Variants in LRRC69 observed in about 807,000 individuals in gnomAD.
LRRC69 encodes the protein leucine-rich repeat-containing protein 69.
LRRC69 carries 42 observed loss-of-function variants against 37.8 expected under a neutral mutation model. That is an observed-to-expected ratio of 1.11 (90% CI 0.87 to 1.44). The LOEUF (loss-of-function observed/expected upper bound fraction) is 1.44, where lower values mean the gene tolerates loss of function less well. Ranked by LOEUF, LRRC69 falls within the 40% of genes most tolerant of loss-of-function variation. The pLI, the probability that LRRC69 is intolerant of heterozygous loss-of-function variation, is 0.00. For missense variants in LRRC69, 357 were observed against 401.9 expected, an observed-to-expected ratio of 0.89 and a Z score of 0.96; for synonymous variants, 141 against 143.1, an observed-to-expected ratio of 0.99 and a Z score of 0.11.
chr8:91,176,134 A>ATATTTT lies in LRRC69; in HGVS notation c.652-13387_652-13386insATTTTT. 2.6e-3 allele frequency among the ~76,000 whole-genome samples: 198 copies of ATATTTT among 75,694 alleles called. 5 individuals are homozygous for ATATTTT. The highest frequency in any genetic ancestry group is 0.011 in the African/African-American group (176 of 16,426). The allele number at this position is 75,694 out of a possible 152,430, so 49.7% of individuals were successfully genotyped here. On this transcript the variant is annotated intron_variant, in intron 5 of 7. Coordinates refer to ENST00000448384, the Ensembl canonical transcript of LRRC69. The stretch of plus-strand genomic sequence containing the variant: ...ATCCCTCATATATATATATATATAT[A>ATATTTT]TTTTTTTTTTTTCTTTTTTTTGAGA...
intron 3 of LRRC69, among the ~76,000 whole-genome samples, chr8:91,131,974 C>G (rs557123253): frequency 2.0e-5 from 3 of 151,782 alleles, no homozygotes; most frequent in African/African-American, 7.3e-5. Flanking sequence ...TGCCCATTTT[C>G]TTTTGTTGTT....
intron 6 of LRRC69, among the ~76,000 whole-genome samples, chr8:91,191,184 G>T (rs767156589): frequency 5.9e-5 from 9 of 151,822 alleles, no homozygotes; most frequent in Non-Finnish European, 1.2e-4. Context: ...TGTAAAGTTT[G>T]ATTTATTTTT....
intron 7 of LRRC69, among the ~76,000 whole-genome samples, chr8:91,204,957 C>A (rs1001886056): frequency 6.6e-6 from 1 of 152,130 alleles, no homozygotes; most frequent in Admixed American, 6.5e-5. Context: ...CATTTGTATA[C>A]CCTTTACCTA....
exon 4 of LRRC69, chr8:91,133,158 C>T: frequency 6.5e-7 from 1 of 1,535,142 alleles, no homozygotes; most frequent in South Asian, 1.2e-5. Flanking sequence ...AACTAGCCAG[C>T]ATTCCTAGAG....
At chr8:91,166,933 T>C (rs1176390380) in intron 5 of LRRC69, among the ~76,000 whole-genome samples, 1 of 151,902 alleles carries the variant, frequency 6.6e-6, no homozygotes, top group East Asian at 1.9e-4. Flanking sequence ...GATTCTGTTG[T>C]TCTTTTCCCC....
At chr8:91,171,059 A>C (rs1372762220) in intron 5 of LRRC69, among the ~76,000 whole-genome samples, 3 of 151,682 alleles carry the variant, frequency 2.0e-5, no homozygotes, top group Non-Finnish European at 4.4e-5. Flanking sequence ...TTACAAGAAA[A>C]AAACAAACAA....
chr8:91,210,144 C>G lies in LRRC69; in HGVS notation c.934-8746C>G, dbSNP rs151336784. Reference sequence around the variant, plus strand: ...GGGTGACATTTAAGTAATAGAGTTTCTGGCCCTCATATTAACTTTGTGACT... The same window carrying G: ...GGGTGACATTTAAGTAATAGAGTTTGTGGCCCTCATATTAACTTTGTGACT... On this transcript the variant is annotated intron_variant, in intron 7 of 7. Transcript: ENST00000448384. Among the ~76,000 whole-genome samples, 7 of 152,294 alleles carry G rather than the reference C, an allele frequency of 4.6e-5. No individual in the cohort carries two copies. In the East Asian group the frequency reaches 1.2e-3, roughly 25 times the overall value.
At chr8:91,173,227 C>T (rs1234216614) in intron 5 of LRRC69, among the ~76,000 whole-genome samples, 1 of 151,918 alleles carries the variant, frequency 6.6e-6, no homozygotes, top group Non-Finnish European at 1.5e-5. Flanking sequence ...ATAGTAATCC[C>T]TCTGTCTATT....
intron 7 of LRRC69, among the ~76,000 whole-genome samples, chr8:91,214,145 T>TA (rs1809993049): frequency 6.6e-6 from 1 of 151,756 alleles, no homozygotes; most frequent in Non-Finnish European, 1.5e-5. Context: ...GGGTGTAAGG[T>TA]GTGGTGGTGG....
intron 7 of LRRC69, among the ~76,000 whole-genome samples, chr8:91,216,961 A>G (rs1810059835): frequency 6.6e-6 from 1 of 152,102 alleles, no homozygotes. Flanking sequence ...GTTTCTCCCC[A>G]GGCAGACACA....
At chr8:91,156,235 C>T (rs1808832441) in intron 5 of LRRC69, among the ~76,000 whole-genome samples, 1 of 150,900 alleles carries the variant, frequency 6.6e-6, no homozygotes, top group African/African-American at 2.4e-5. Flanking sequence ...TTTGTTACAA[C>T]AAATTCAAAC....
intron 5 of LRRC69, among the ~76,000 whole-genome samples, chr8:91,146,268 A>T (rs1225278498): frequency 6.6e-6 from 1 of 151,700 alleles, no homozygotes; most frequent in Non-Finnish European, 1.5e-5. Context: ...CTTACCTTCA[A>T]AATGGAGATC....
chr8:91,189,737 G>T, intron 6 of LRRC69, 114 bp downstream of exon 6: 1 of 612,536 alleles, frequency 1.6e-6, no homozygotes. Flanking sequence ...TGTAATCCTA[G>T]TCCATTGGCA....
chr8:91,166,647 A>G (rs1027105412), intron 5 of LRRC69, among the ~76,000 whole-genome samples: 1 of 151,794 alleles, frequency 6.6e-6, no homozygotes, highest in African/African-American at 2.4e-5. Flanking sequence ...TCAAACATAT[A>G]GCTTGTGTTA....
At chr8:91,158,533 T>A (rs927323015) in intron 5 of LRRC69, 2 of 1,131,514 alleles carry the variant, frequency 1.8e-6, no homozygotes, top group Non-Finnish European at 2.7e-6. Context: ...GAAATAGACT[T>A]ACACACTGTA....
rs141500803 is a variant in LRRC69 at position 91,217,779 on chromosome 8, C to A, written c.934-1111C>A. Among the ~76,000 whole-genome samples, 271 of 152,284 alleles carry A rather than the reference C, an allele frequency of 1.8e-3. 5 individuals are homozygous for A. Among genetic ancestry groups the A allele is most frequent in the Admixed American group, 0.014 (210 of 15,278 alleles). ...AGACGTCCACTGAGGAGTTCAGAACCTGTTTGCTGATTGATGAATTAATAT... is the reference window on the plus strand; with the variant it reads ...AGACGTCCACTGAGGAGTTCAGAACATGTTTGCTGATTGATGAATTAATAT... On this transcript the variant is annotated intron_variant, in intron 7 of 7. Transcript: ENST00000448384.
At chr8:91,180,642 C>CT (rs11379654) in intron 5 of LRRC69, among the ~76,000 whole-genome samples, 4,956 of 152,186 alleles carry the variant, frequency 0.033, 252 homozygotes, top group African/African-American at 0.11. Flanking sequence ...AAAATGTACT[C>CT]TATCATTATT....
Position 91,118,617 on chromosome 8 carries a change from CA to C in LRRC69, c.184-5874del. On this transcript the variant is annotated intron_variant, in intron 1 of 7. Coordinates refer to ENST00000448384, the Ensembl canonical transcript of LRRC69. Reference sequence around the variant, plus strand: ...AGCAATGGTGTCTTTCAATCTATAGCAATCAGTAGCAATGGTGTCTTTCCAT... The same window carrying C: ...AGCAATGGTGTCTTTCAATCTATAGCATCAGTAGCAATGGTGTCTTTCCAT... 1.6e-5 allele frequency: 3 copies of C among 186,450 alleles called. No individual in the cohort carries two copies. In the South Asian group the frequency reaches 2.8e-4, roughly 17 times the overall value. The allele number at this position is 186,450 out of a possible 1,614,324, so 11.5% of individuals were successfully genotyped here. A position where few individuals can be genotyped will look rare whatever the true frequency, so the allele number is the denominator to read the frequency against.
chr8:91,187,954 G>A (rs1809431904), intron 5 of LRRC69, among the ~76,000 whole-genome samples: 2 of 152,154 alleles, frequency 1.3e-5, no homozygotes, highest in Admixed American at 6.5e-5. Flanking sequence ...AGGACTGTGA[G>A]TTTAGTATAA....
Sources: gnomAD v4.1 joint callset for allele counts (sites outside exome capture counted in the v4.1 genomes callset) on GRCh38, gnomAD v4.1.1 for gene constraint, MANE v1.5 for transcripts, NCBI Gene and HGNC (gene_info 2026-07-23, HGNC 2026-07-21) for gene names.